CPQ: variants seen among roughly 807,000 people sequenced by gnomAD.
The protein encoded by CPQ is carboxypeptidase Q, also known as Ser-Met dipeptidase.
A neutral mutation model predicts 45.7 loss-of-function variants in CPQ; 37 were observed. That is an observed-to-expected ratio of 0.81 (90% confidence interval 0.62 to 1.07). The LOEUF (loss-of-function observed/expected upper bound fraction) is 1.07. Among genes scored for constraint, CPQ ranks in the 50% least tolerant of loss-of-function variants. The probability of loss-of-function intolerance (pLI) is 0.00; values close to 1 mark genes in which losing one functional copy is unlikely to be tolerated. For missense variants in CPQ, 537 were observed against 572.9 expected (o/e 0.94, Z 0.64); for synonymous variants, 186 against 205.8 (o/e 0.90, Z 0.82).
intron 1 of CPQ, among the ~76,000 whole-genome samples, chr8:96,707,611 A>T (rs1809549560): frequency 6.6e-6 from 1 of 152,088 alleles, no homozygotes; most frequent in African/African-American, 2.4e-5. Flanking sequence ...TTCTACTGGT[A>T]TTACAAAAAA....
At chr8:96,863,720 A>G (rs920058310) in intron 3 of CPQ, among the ~76,000 whole-genome samples, 7 of 152,016 alleles carry the variant, frequency 4.6e-5, no homozygotes, top group African/African-American at 1.7e-4. Context: ...TCCGCTTTTA[A>G]TGCTTGGAAA....
chr8:97,092,008 A>T (rs1481194364), intron 7 of CPQ, among the ~76,000 whole-genome samples: 1 of 152,126 alleles, frequency 6.6e-6, no homozygotes, highest in Non-Finnish European at 1.5e-5. Context: ...CATGATTCCT[A>T]CCATTTAGTT....
At chr8:96,697,680 A>G (rs1463156927) in intron 1 of CPQ, among the ~76,000 whole-genome samples, 2 of 152,192 alleles carry the variant, frequency 1.3e-5, no homozygotes, top group East Asian at 1.9e-4. Context: ...TACAAAATCA[A>G]CATATAAAAA....
intron 2 of CPQ, among the ~76,000 whole-genome samples, chr8:96,834,531 T>C (rs952902615): frequency 2.0e-5 from 3 of 152,158 alleles, no homozygotes; most frequent in African/African-American, 7.2e-5. Context: ...TATGATGTTG[T>C]TGTAGGTTGT....
chr8:96,912,306 G>C (rs989070459), intron 4 of CPQ, among the ~76,000 whole-genome samples: 3 of 152,168 alleles, frequency 2.0e-5, no homozygotes, highest in Non-Finnish European at 4.4e-5. Flanking sequence ...TTACTTTCAT[G>C]TTCTGTCTTT....
chr8:96,748,594 C>T (rs1810220008), intron 1 of CPQ, among the ~76,000 whole-genome samples: 1 of 152,014 alleles, frequency 6.6e-6, no homozygotes, highest in Non-Finnish European at 1.5e-5. Context: ...TTTAGTTTGG[C>T]TCTCTCTGAG....
intron 7 of CPQ, among the ~76,000 whole-genome samples, chr8:97,091,148 T>C (rs1386244725): frequency 6.6e-6 from 1 of 152,172 alleles, no homozygotes; most frequent in Non-Finnish European, 1.5e-5. Context: ...GACTGGGCGC[T>C]GTTGGGAAGT....
At chr8:96,647,644 A>G (rs1311686569) in intron 1 of CPQ, among the ~76,000 whole-genome samples, 1 of 152,224 alleles carries the variant, frequency 6.6e-6, no homozygotes, top group Non-Finnish European at 1.5e-5. Flanking sequence ...GTTCAAGCAT[A>G]TATACAAACC....
chr8:96,742,978 A>G (rs1292596686), intron 1 of CPQ, among the ~76,000 whole-genome samples: 2 of 152,032 alleles, frequency 1.3e-5, no homozygotes, highest in African/African-American at 4.8e-5. Context: ...CTCGAGGAGT[A>G]TCTTTGTGGT....
intron 1 of CPQ, among the ~76,000 whole-genome samples, chr8:96,703,163 A>G (rs540641653): frequency 2.0e-5 from 3 of 152,244 alleles, no homozygotes; most frequent in Non-Finnish European, 2.9e-5. Flanking sequence ...CCATGATTCA[A>G]TAATCTCTAA....
chr8:96,776,734 T>G (rs1304009170), intron 1 of CPQ, among the ~76,000 whole-genome samples: 1 of 152,184 alleles, frequency 6.6e-6, no homozygotes, highest in Non-Finnish European at 1.5e-5. Context: ...TATAAAGAAT[T>G]TTATCTCTTT....
intron 5 of CPQ, among the ~76,000 whole-genome samples, chr8:96,978,993 C>A (rs1813837330): frequency 6.6e-6 from 1 of 150,806 alleles, no homozygotes; most frequent in African/African-American, 2.4e-5. Flanking sequence ...AGTCAGGCAA[C>A]AATGGCTTCA....
In CPQ at chr8:96,727,932, C is replaced by T. The variant is rs142305340; in HGVS notation, c.-34-56932C>T. Among the ~76,000 whole-genome samples the T allele has an allele frequency of 5.9e-3, 895 of 152,316 alleles. 8 individuals carry two copies. Among genetic ancestry groups the T allele is most frequent in the Non-Finnish European group, 9.6e-3 (656 of 68,024 alleles). ...AGATTTAATATTTAGAAACACTATG[C>T]AGGCCAAATGAAATATTTCTGACCT... On this transcript the variant is annotated intron_variant, in intron 1 of 7. Transcript: ENST00000220763.
intron 6 of CPQ, among the ~76,000 whole-genome samples, chr8:97,032,979 G>A (rs907212155): frequency 2.0e-5 from 3 of 152,170 alleles, no homozygotes; most frequent in Non-Finnish European, 4.4e-5. Context: ...AAATCACTAT[G>A]GCATGTTAGT....
In CPQ at chr8:96,854,530, C is replaced by CAAAAAAAAAAAAAAAA. The variant is rs1156706371; in HGVS notation, c.641+19364_641+19379dup. The stretch of plus-strand genomic sequence containing the variant: ...TGGGCGACAGAGCGAGACTCCGTCT[C>CAAAAAAAAAAAAAAAA]AAAAAAAAAAAAAAAAAAAAAAAAA... On this transcript the variant is annotated intron_variant, in intron 3 of 7. Transcript: ENST00000220763. 1.5e-3 allele frequency among the ~76,000 whole-genome samples: 13 copies of CAAAAAAAAAAAAAAAA among 8,694 alleles called. 1 individual carries two copies. The highest frequency in any genetic ancestry group is 0.083 in the Middle Eastern group (1 of 12). 5.7% of individuals were successfully genotyped at this position (8,694 alleles called of 152,430 possible).
chr8:96,729,992 G>T (rs937746409), intron 1 of CPQ, among the ~76,000 whole-genome samples: 1 of 152,156 alleles, frequency 6.6e-6, no homozygotes, highest in Non-Finnish European at 1.5e-5. Flanking sequence ...TTGAAAATGG[G>T]CTTGGGTCTG....
intron 7 of CPQ, among the ~76,000 whole-genome samples, chr8:97,067,688 T>C (rs1316388491): frequency 6.6e-6 from 1 of 152,246 alleles, no homozygotes; most frequent in Non-Finnish European, 1.5e-5. Context: ...AGCTTTTCTG[T>C]ACTCTAATAG....
At chr8:96,760,541 C>T (rs982803315) in intron 1 of CPQ, among the ~76,000 whole-genome samples, 1 of 152,022 alleles carries the variant, frequency 6.6e-6, no homozygotes, top group Non-Finnish European at 1.5e-5. Flanking sequence ...TGAGAAGGAG[C>T]AGTATTTCTA....
At chr8:97,029,030 A>G (rs942867219) in intron 5 of CPQ, among the ~76,000 whole-genome samples, 9 of 152,222 alleles carry the variant, frequency 5.9e-5, no homozygotes, top group African/African-American at 1.9e-4. Flanking sequence ...AGATCATTGA[A>G]AGACCCCACA....
Sources: gnomAD v4.1 joint callset for allele counts (sites outside exome capture counted in the v4.1 genomes callset) on GRCh38, gnomAD v4.1.1 for gene constraint, MANE v1.5 for transcripts, NCBI Gene and HGNC (gene_info 2026-07-23, HGNC 2026-07-21) for gene names.